Variants in NRG1 observed in about 807,000 individuals in gnomAD.
NRG1 encodes the protein pro-neuregulin-1, membrane-bound isoform.
Under a neutral mutation model 63.8 loss-of-function variants are expected in NRG1, and 18 were observed. The ratio of observed to expected loss-of-function variants is 0.28; its 90% confidence interval spans 0.19 to 0.42. NRG1 has a LOEUF of 0.42. NRG1 is among the 10% of genes least tolerant of loss of function. NRG1 has a pLI of 1.00. For synonymous variants in NRG1, 302 were observed against 301.3 expected, an observed-to-expected ratio of 1.00 and a Z score of -0.02; for missense variants, 762 against 814.7, an observed-to-expected ratio of 0.94 and a Z score of 0.79.
rs572672716 is a variant in NRG1, at chr8:31,956,575, G to C, written c.37+317144G>C. ...GGAGGCGGAGCTTGCAGTGAGCCGA[G>C]ATCGTGCCACTGCACTCCAGTCTGG... On this transcript the variant is annotated intron_variant, in intron 1 of 10. Transcript: ENST00000519301. Among the ~76,000 whole-genome samples the C allele has an allele frequency of 5.3e-5, 8 of 152,288 alleles. No homozygotes were observed. In the East Asian group the frequency reaches 1.5e-3, roughly 29 times the overall value.
chr8:32,515,008 T>C lies in NRG1; in HGVS notation c.38-80820T>C, dbSNP rs183285949. Among the ~76,000 whole-genome samples the C allele has an allele frequency of 9.2e-5, 14 of 152,296 alleles. No homozygotes were observed. The East Asian group carries it at 2.7e-3, about 29-fold the overall frequency. On this transcript the variant is annotated intron_variant, in intron 1 of 10. Transcript: ENST00000519301. ...ATGGTGTATACATATCACATTTTCT[T>C]TATCCAATCCACTGTTTATGGGCAC...
At chr8:32,609,995 T>G (rs76521565) in intron 3 of NRG1, among the ~76,000 whole-genome samples, 2,024 of 151,960 alleles carry the variant, frequency 0.013, 49 homozygotes, top group African/African-American at 0.046. Context: ...TCATTGTGGA[T>G]TCTAGAAAAA....
chr8:31,691,344 A>G (rs546253086), intron 1 of NRG1, among the ~76,000 whole-genome samples: 14 of 152,274 alleles, frequency 9.2e-5, no homozygotes, highest in Non-Finnish European at 1.8e-4. Flanking sequence ...GCGGTGGCTC[A>G]CGCCTGTAAT....
intron 1 of NRG1, among the ~76,000 whole-genome samples, chr8:31,786,618 C>T (rs1820199226): frequency 6.6e-6 from 1 of 152,170 alleles, no homozygotes; most frequent in South Asian, 2.1e-4. Context: ...ATTGGGGTTC[C>T]CTCAACTTCC....
At position 32,324,694 on chromosome 8, in the gene NRG1, A is replaced by T. The variant is rs556576363; in HGVS notation, c.38-271134A>T. Among the ~76,000 whole-genome samples, 4 of 152,334 alleles carry T rather than the reference A, an allele frequency of 2.6e-5. No individual in the cohort carries two copies. The East Asian group carries it at 7.7e-4, about 29-fold the overall frequency. ...AATATGTCAGAAAAGGCAAATAAAA[A>T]ATTGGAAAATTTATCTGTAAATAGT... On this transcript the variant is annotated intron_variant, in intron 1 of 10. Coordinates refer to the NRG1 transcript ENST00000519301.
At chr8:31,927,993 T>G (rs1290934814) in intron 1 of NRG1, among the ~76,000 whole-genome samples, 1 of 37,168 alleles carries the variant, frequency 2.7e-5, no homozygotes, top group Non-Finnish European at 6.0e-5. Flanking sequence ...ATTAGGTATA[T>G]TTAAAAAAAA....
rs540205621 is a variant in NRG1 at position 32,724,414 on chromosome 8, G to A, written c.503-3535G>A. ...AATACAACTCCTCCCAGCCCCCCCA[G>A]AAAGAATGCTGTTTGCTCTGATTGG... On this transcript the variant is annotated intron_variant, in intron 5 of 11. Transcript: ENST00000356819. 5.3e-5 allele frequency among the ~76,000 whole-genome samples: 8 copies of A among 152,250 alleles called. No homozygotes were observed. The East Asian group carries it at 1.4e-3, about 26-fold the overall frequency.
rs562076816 is a variant in NRG1 at position 32,264,689 on chromosome 8, C to T, written c.38-331139C>T. On this transcript the variant is annotated intron_variant, in intron 1 of 10. Transcript: ENST00000519301. ...GAACTTATATTTTAGTTAGAAAAGA[C>T]ATAAGAAACTAATTGTGGCATTTAA... 3.3e-5 allele frequency among the ~76,000 whole-genome samples: 5 copies of T among 151,994 alleles called. No homozygotes were observed. The South Asian group carries it at 1.0e-3, about 32-fold the overall frequency.
At position 32,756,620 on chromosome 8, in the gene NRG1, G is replaced by T. The variant is rs956289285; in HGVS notation, c.921+91G>T. 3 of 1,457,496 alleles carry T rather than the reference G, an allele frequency of 2.1e-6. No homozygotes were observed. In the African/African-American group the frequency reaches 4.3e-5, roughly 21 times the overall value. 90.3% of individuals were successfully genotyped at this position (1,457,496 alleles called of 1,614,324 possible). A position where few individuals can be genotyped will look rare whatever the true frequency, so the allele number is the denominator to read the frequency against. ...ATTTTCGAAAGCTCTTAAGCTTTTA[G>T]CTGCTGCCATTAATCACCATGGCTT... On this transcript the variant is annotated intron_variant, in intron 9 of 11. Transcript: ENST00000356819.
chr8:32,489,210 C>T (rs891604437), intron 1 of NRG1, among the ~76,000 whole-genome samples: 3 of 152,104 alleles, frequency 2.0e-5, no homozygotes, highest in South Asian at 2.1e-4. Context: ...AGTGAGCATG[C>T]GCAGTGTGTT....
chr8:31,953,826 A>G (rs188627766), intron 1 of NRG1, among the ~76,000 whole-genome samples: 3 of 152,320 alleles, frequency 2.0e-5, no homozygotes, highest in Admixed American at 2.0e-4. Context: ...AGAATGGAGA[A>G]AGAGAACAAG....
At chr8:32,095,297 G>A (rs1829760155) in intron 1 of NRG1, among the ~76,000 whole-genome samples, 1 of 152,206 alleles carries the variant, frequency 6.6e-6, no homozygotes, top group Non-Finnish European at 1.5e-5. Context: ...GGGATTGAGA[G>A]TGAAGACTGG....
At chr8:32,756,939 G>C (rs1182077333) in intron 9 of NRG1, among the ~76,000 whole-genome samples, 1 of 152,166 alleles carries the variant, frequency 6.6e-6, no homozygotes, top group African/African-American at 2.4e-5. Flanking sequence ...GAGCTTTAGA[G>C]TTATTTTCTT....
At chr8:31,859,584 A>C (rs1828275912) in intron 1 of NRG1, among the ~76,000 whole-genome samples, 1 of 152,258 alleles carries the variant, frequency 6.6e-6, no homozygotes, top group East Asian at 1.9e-4. Context: ...CTTTATTAAA[A>C]ATAACTTCTG....
At chr8:32,721,287 A>G (rs1262423988) in intron 5 of NRG1, among the ~76,000 whole-genome samples, 1 of 152,182 alleles carries the variant, frequency 6.6e-6, no homozygotes, top group Admixed American at 6.5e-5. Flanking sequence ...ATCATTCTAT[A>G]TATGTTTGAA....
intron 1 of NRG1, among the ~76,000 whole-genome samples, chr8:31,944,261 A>G (rs116963251): frequency 0.014 from 2,157 of 152,308 alleles, 36 homozygotes; most frequent in South Asian, 0.084. Context: ...TAAAATGGAA[A>G]CTACAGTGAT....
chr8:32,393,964 A>G (rs181724834), intron 1 of NRG1, among the ~76,000 whole-genome samples: 14 of 152,242 alleles, frequency 9.2e-5, no homozygotes, highest in Non-Finnish European at 1.5e-4. Context: ...TCATCCAGCT[A>G]TTTTATATTC....
chr8:31,833,517 G>T (rs1165646544), intron 1 of NRG1, among the ~76,000 whole-genome samples: 1 of 152,160 alleles, frequency 6.6e-6, no homozygotes, highest in African/African-American at 2.4e-5. Flanking sequence ...TTCCTCCAGG[G>T]AATTATATCC....
intron 1 of NRG1, among the ~76,000 whole-genome samples, chr8:31,909,511 A>G (rs1048068922): frequency 1.1e-4 from 17 of 152,190 alleles, no homozygotes; most frequent in African/African-American, 4.1e-4. Flanking sequence ...GTCTAGTTTG[A>G]TCAACATTTA....
Sources: allele counts gnomAD v4.1 joint callset (sites outside exome capture counted in the v4.1 genomes callset), GRCh38; gene constraint gnomAD v4.1.1; transcripts MANE v1.5; gene names NCBI Gene and HGNC (gene_info 2026-07-23, HGNC 2026-07-21).